Variants in GIPC2 observed in about 807,000 individuals in gnomAD.
GIPC2 encodes the protein GIPC PDZ domain containing family member 2.
In GIPC2, 30 loss-of-function variants were observed where a neutral mutation model predicts 30.6. The ratio of observed to expected loss-of-function variants is 0.98; its 90% CI spans 0.73 to 1.33. GIPC2 has a LOEUF of 1.33. GIPC2 is among the 40% of genes most tolerant of loss of function. The probability of loss-of-function intolerance (pLI) is 0.00; values close to 1 mark genes in which losing one functional copy is unlikely to be tolerated. For synonymous variants in GIPC2, 167 were observed against 150.0 expected, an observed-to-expected ratio of 1.11 and a Z score of -0.83; for missense variants, 414 against 390.3, an observed-to-expected ratio of 1.06 and a Z score of -0.51.
chr1:78,098,470 A>C (rs1252393336), intron 3 of GIPC2, among the ~76,000 whole-genome samples: 1 of 152,206 alleles, frequency 6.6e-6, no homozygotes, highest in Admixed American at 6.5e-5. Flanking sequence ...TAATTTATCT[A>C]TCTCACAAAT....
At chr1:78,046,359 TCCCGCCTCTCCGCCGCGC>T (rs776563650) in intron 1 of GIPC2, 25 bp downstream of exon 1, 38 of 1,558,336 alleles carry the variant, frequency 2.4e-5, no homozygotes, top group Middle Eastern at 3.9e-4. Context: ...GCTCAGGCTC[TCCCGCCTCTCCGCCGCGC>T]CGCGCCGCGC....
chr1:78,046,365 C>G (rs1312724666), intron 1 of GIPC2, 31 bp downstream of exon 1: 6 of 1,579,328 alleles, frequency 3.8e-6, no homozygotes, highest in Admixed American at 1.7e-5. Flanking sequence ...GCTCTCCCGC[C>G]TCTCCGCCGC....
chr1:78,048,381 C>A (rs1488807983), intron 1 of GIPC2, among the ~76,000 whole-genome samples: 1 of 151,716 alleles, frequency 6.6e-6, no homozygotes, highest in Admixed American at 6.6e-5. Flanking sequence ...GTGGCAGAGC[C>A]TGGATTTGAA....
Position 78,046,134 on chromosome 1 carries a change from A to G in GIPC2, c.40A>G (p.Lys14Glu). The change falls in exon 1 of 6, where the codon AAG becomes GAG. Residue 14 changes from lysine (K) to glutamate (E), a missense_variant. Transcript: ENST00000370759. ...GCGGGGGAAGAAGAAGGCCAAGTCCAAGGAGACCGCCGGGCTGGTGGAGGG... is the reference window on the plus strand; with the variant it reads ...GCGGGGGAAGAAGAAGGCCAAGTCCGAGGAGACCGCCGGGCTGGTGGAGGG... ...KLRGKKKAKS[K>E]ETAGLVEGEP... 6.5e-7 allele frequency: 1 copy of G among 1,528,302 alleles called. No individual in the cohort carries two copies. The highest frequency in any genetic ancestry group is 8.8e-7 in the Non-Finnish European group (1 of 1,140,420). 94.7% of individuals were successfully genotyped at this position (1,528,302 alleles called of 1,614,324 possible).
At chr1:78,117,943 T>TC (rs1192769523) in intron 3 of GIPC2, among the ~76,000 whole-genome samples, 6 of 151,992 alleles carry the variant, frequency 3.9e-5, no homozygotes, top group Admixed American at 1.3e-4. Context: ...TCTCTCTCTC[T>TC]TTTCTTTTCT....
At chr1:78,110,631 G>T (rs975829802) in intron 3 of GIPC2, among the ~76,000 whole-genome samples, 1 of 152,200 alleles carries the variant, frequency 6.6e-6, no homozygotes, top group Non-Finnish European at 1.5e-5. Flanking sequence ...GAGTTGCCTA[G>T]GTGGGAGGGA....
intron 3 of GIPC2, among the ~76,000 whole-genome samples, chr1:78,100,437 G>A (rs908327370): frequency 2.6e-4 from 40 of 152,106 alleles, no homozygotes; most frequent in African/African-American, 9.2e-4. Context: ...GTAACCTGTT[G>A]GACATAGAAG....
chr1:78,135,322 C>G (rs960847319), intron 5 of GIPC2, among the ~76,000 whole-genome samples: 3 of 152,068 alleles, frequency 2.0e-5, no homozygotes, highest in Admixed American at 6.6e-5. Context: ...CAGAGGTTCC[C>G]AACTGATGGG....
Position 78,119,497 on chromosome 1 carries a change from A to G in GIPC2, c.712A>G (p.Met238Val). The G allele has an allele frequency of 6.4e-7, 1 of 1,561,144 alleles. No individual in the cohort carries two copies. Among genetic ancestry groups the G allele is most frequent in the Non-Finnish European group, 8.8e-7 (1 of 1,132,186 alleles). Residue 238 changes from methionine to valine, a missense_variant and splice_region_variant, in exon 4 of 6, where the codon ATG becomes GTG. By Grantham distance (21) the Met-to-Val change is conservative. Coordinates refer to ENST00000370759, the MANE Select transcript of GIPC2 (RefSeq NM_017655.6). ...AAAAGGTCCTGCCACCGTGGAAGAA[A>G]TGGTATGTTATGTTCATTTACTTCC... ...RSKGPATVEEMPSETKAKAIE... is the reference protein window; with the variant it reads ...RSKGPATVEEVPSETKAKAIE...
intron 5 of GIPC2, among the ~76,000 whole-genome samples, chr1:78,130,813 G>A (rs548355744): frequency 1.5e-4 from 23 of 152,180 alleles, no homozygotes; most frequent in East Asian, 1.4e-3. Flanking sequence ...ATTTTTAACC[G>A]TAAATATCTT....
intron 3 of GIPC2, among the ~76,000 whole-genome samples, chr1:78,112,980 G>T (rs925907873): frequency 6.6e-6 from 1 of 152,182 alleles, no homozygotes; most frequent in Non-Finnish European, 1.5e-5. Flanking sequence ...GCATATGCAT[G>T]TAAGAAACCG....
intron 3 of GIPC2, among the ~76,000 whole-genome samples, chr1:78,113,649 A>G (rs1364399407): frequency 6.6e-6 from 1 of 152,194 alleles, no homozygotes; most frequent in Non-Finnish European, 1.5e-5. Context: ...TTGGCCTCTC[A>G]AAACGCTGGG....
chr1:78,110,025 G>T (rs892997968), intron 3 of GIPC2, among the ~76,000 whole-genome samples: 1 of 151,994 alleles, frequency 6.6e-6, no homozygotes, highest in Admixed American at 6.6e-5. Flanking sequence ...CTTCACACAC[G>T]GGGGCCTGTT....
chr1:78,133,804 G>T (rs1298829556), intron 5 of GIPC2, among the ~76,000 whole-genome samples: 3 of 149,818 alleles, frequency 2.0e-5, no homozygotes, highest in Non-Finnish European at 4.4e-5. Context: ...ATGTATTATG[G>T]ATTCATGGCT....
chr1:78,090,055 C>T (rs1557538903), intron 2 of GIPC2, among the ~76,000 whole-genome samples: 1 of 152,234 alleles, frequency 6.6e-6, no homozygotes, highest in East Asian at 1.9e-4. Flanking sequence ...AAAAACCATT[C>T]ATAACTCATG....
chr1:78,113,227 A>C (rs991803847), intron 3 of GIPC2, among the ~76,000 whole-genome samples: 9 of 152,184 alleles, frequency 5.9e-5, no homozygotes, highest in South Asian at 2.1e-4. Context: ...TTAAAAAAAA[A>C]CAGATATGTG....
chr1:78,126,867 A>G (rs1439538221), intron 5 of GIPC2, among the ~76,000 whole-genome samples: 1 of 152,158 alleles, frequency 6.6e-6, no homozygotes, highest in Admixed American at 6.5e-5. Context: ...TGATTGGCTC[A>G]AGTGAGCCAG....
At chr1:78,120,042 A>G (rs146140855) in intron 4 of GIPC2, among the ~76,000 whole-genome samples, 231 of 152,312 alleles carry the variant, frequency 1.5e-3, no homozygotes, top group African/African-American at 5.3e-3. Context: ...CCTTCTGTTT[A>G]GTCCACCTGT....
chr1:78,135,557 A>G, intron 5 of GIPC2, 35 bp from the exon 6 acceptor site: 1 of 1,334,730 alleles, frequency 7.5e-7, no homozygotes, highest in Non-Finnish European at 1.0e-6. Flanking sequence ...ATGCTATTTC[A>G]TTTATTGTTA....
Sources: gnomAD v4.1 joint callset for allele counts (sites outside exome capture counted in the v4.1 genomes callset) on GRCh38, gnomAD v4.1.1 for gene constraint, MANE v1.5 for transcripts, NCBI Gene and HGNC (gene_info 2026-07-23, HGNC 2026-07-21) for gene names.